Variants in SLC35H1 observed in about 807,000 individuals in gnomAD.
SLC35H1 encodes solute carrier family 35 member H1.
At chr20:46,347,844 C>T in the SLC35H1 span, 2 of 152,310 alleles carry the variant, frequency 1.3e-5, no homozygotes, top group African/African-American at 4.8e-5. Context: ...TGGACGTCCT[C>T]ACATATTGGA....
At chr20:46,358,535 G>A in the SLC35H1 span, 1 of 1,614,158 alleles carries the variant, frequency 6.2e-7, no homozygotes. Context: ...CGGAGCTCCT[G>A]AGTCAGCGGG....
At chr20:46,349,355 G>A in the SLC35H1 span, 1 of 152,286 alleles carries the variant, frequency 6.6e-6, no homozygotes, top group East Asian at 1.9e-4. Context: ...CTTGGCCAAG[G>A]AGGAGTGGAA....
At chr20:46,360,346 G>T in the SLC35H1 span, among the ~76,000 whole-genome samples, 1 of 152,158 alleles carries the variant, frequency 6.6e-6, no homozygotes. Flanking sequence ...AATGGCACTA[G>T]TGGTTTTCGA....
chr20:46,350,462 G>A, the SLC35H1 span: 38 of 1,613,338 alleles, frequency 2.4e-5, no homozygotes, highest in South Asian at 7.7e-5. Flanking sequence ...TGGCTGCTCC[G>A]GAGCAGCAGC....
At chr20:46,357,922 T>A in the SLC35H1 span, 1 of 804,628 alleles carries the variant, frequency 1.2e-6, no homozygotes, top group South Asian at 1.8e-5. Context: ...TTAGTTACGG[T>A]ATCATCGCTT....
At chr20:46,350,755 G>A in the SLC35H1 span, 16 of 1,613,766 alleles carry the variant, frequency 9.9e-6, no homozygotes, top group Non-Finnish European at 1.4e-5. Context: ...AGGGACTCTG[G>A]GTTACCTCTG....
chr20:46,357,167 C>T, the SLC35H1 span, among the ~76,000 whole-genome samples: 13 of 152,252 alleles, frequency 8.5e-5, no homozygotes, highest in Admixed American at 7.8e-4. Context: ...CAGTCCCACG[C>T]ATCCTTCAGG....
the SLC35H1 span, among the ~76,000 whole-genome samples, chr20:46,353,639 G>C: frequency 6.6e-6 from 1 of 152,198 alleles, no homozygotes; most frequent in Admixed American, 6.5e-5. Flanking sequence ...AGGGAATTCG[G>C]GGAAGAGCAG....
the SLC35H1 span, chr20:46,350,543 C>A: frequency 2.5e-6 from 4 of 1,572,588 alleles, no homozygotes; most frequent in Non-Finnish European, 3.4e-6. Flanking sequence ...AGAGAGAGAC[C>A]ACAGTTACAG....
the SLC35H1 span, among the ~76,000 whole-genome samples, chr20:46,363,437 G>A: frequency 2.8e-4 from 43 of 152,268 alleles, no homozygotes; most frequent in Non-Finnish European, 4.9e-4. Context: ...AGAAGATTTC[G>A]TAATTATTTC....
At chr20:46,352,194 GGAA>G in the SLC35H1 span, 11 of 1,614,048 alleles carry the variant, frequency 6.8e-6, no homozygotes, top group African/African-American at 1.3e-5. Context: ...TCCTGGAAAC[GGAA>G]GATTTTCTCA....
chr20:46,356,341 T>G, the SLC35H1 span, among the ~76,000 whole-genome samples: 1 of 152,196 alleles, frequency 6.6e-6, no homozygotes, highest in Non-Finnish European at 1.5e-5. Flanking sequence ...GAGAGCTCCC[T>G]GGCTTCCCCA....
the SLC35H1 span, chr20:46,358,296 T>C: frequency 2.5e-6 from 3 of 1,206,820 alleles, no homozygotes; most frequent in Non-Finnish European, 3.7e-6. Context: ...TGGTTGAAGC[T>C]TGTGCCTTCC....
chr20:46,355,477 G>C, the SLC35H1 span: 1 of 629,692 alleles, frequency 1.6e-6, no homozygotes, highest in Non-Finnish European at 2.7e-6. This position sits in a 1 kb window ranked among gnomAD's most constrained non-coding sequence, Gnocchi z 4.8. Context: ...ACTGACGGCT[G>C]TCCTAGGCCC....
the SLC35H1 span, chr20:46,357,904 T>C: frequency 1.1e-6 from 1 of 910,098 alleles, no homozygotes; most frequent in Non-Finnish European, 1.7e-6. Context: ...GCTATGTGTG[T>C]AGGGCCCTTA....
chr20:46,352,286 A>G, the SLC35H1 span: 13 of 1,446,678 alleles, frequency 9.0e-6, no homozygotes, highest in Non-Finnish European at 1.2e-5. Context: ...GGCCAGCCCA[A>G]TGCCAACCAC....
chr20:46,360,814 G>A, the SLC35H1 span, among the ~76,000 whole-genome samples: 1 of 152,204 alleles, frequency 6.6e-6, no homozygotes, highest in Non-Finnish European at 1.5e-5. Flanking sequence ...CTCCCAAAGT[G>A]CTGGGATTAC....
the SLC35H1 span, chr20:46,349,844 C>T: frequency 1.3e-5 from 2 of 152,202 alleles, no homozygotes; most frequent in African/African-American, 2.4e-5. Context: ...TGGCTTAAGA[C>T]CAGACATTTG....
the SLC35H1 span, among the ~76,000 whole-genome samples, chr20:46,354,468 C>T: frequency 7.9e-3 from 1,210 of 152,300 alleles, 8 homozygotes; most frequent in Non-Finnish European, 0.013. Flanking sequence ...GGCTGGACCA[C>T]TTGGAGCCAG....
Sources: gnomAD v4.1 joint callset for allele counts (sites outside exome capture counted in the v4.1 genomes callset) on GRCh38, gnomAD v4.1.1 for gene constraint, Gnocchi (gnomAD v3.1) non-coding constraint, MANE v1.5 for transcripts, NCBI Gene and HGNC (gene_info 2026-07-23, HGNC 2026-07-21) for gene names.